SPAG16: variants seen among roughly 807,000 people sequenced by gnomAD.
SPAG16 encodes the protein sperm-associated antigen 16 protein.
In SPAG16, 86 loss-of-function variants were observed where a neutral mutation model predicts 80.4. That is an observed-to-expected ratio of 1.07 (90% CI 0.90 to 1.28). The LOEUF (loss-of-function observed/expected upper bound fraction) is 1.28, where lower values mean the gene tolerates loss of function less well. SPAG16 is among the 50% of genes most tolerant of loss of function. The pLI is 0.00. For synonymous variants in SPAG16, 294 were observed against 265.9 expected (o/e 1.11, Z -1.03); for missense variants, 870 against 765.3 (o/e 1.14, Z -1.61).
Position 213,388,418 on chromosome 2 carries a change from A to G in SPAG16, c.942+13299A>G, listed in dbSNP as rs535450671. 7.2e-5 allele frequency among the ~76,000 whole-genome samples: 11 copies of G among 152,352 alleles called. No individual in the cohort carries two copies. The East Asian group carries it at 2.1e-3, about 29-fold the overall frequency. ...CATTCCCCACTTTGGGGAGCCAAAC[A>G]TTAAAGTCTATGACATTCAGAAGCA... is the stretch of plus-strand genomic sequence containing the variant. On this transcript the variant is annotated intron_variant, in intron 9 of 15. Transcript: ENST00000331683.
In SPAG16 at chr2:213,722,393, A is replaced by G. The variant is rs372140878; in HGVS notation, c.1071-140092A>G. ...CCTTGAAATGTGTTCTCTCATTTGT[A>G]GAATGGGAGATTTAGAAAAGAGGTT... is the stretch of plus-strand genomic sequence containing the variant. On this transcript the variant is annotated intron_variant, in intron 10 of 15. Coordinates refer to ENST00000331683, the MANE Select transcript of SPAG16 (RefSeq NM_024532.5). 5.3e-5 allele frequency among the ~76,000 whole-genome samples: 8 copies of G among 152,230 alleles called. No homozygotes were observed. The East Asian group carries it at 1.3e-3, about 26-fold the overall frequency.
intron 10 of SPAG16, among the ~76,000 whole-genome samples, chr2:213,738,334 A>T (rs2067388503): frequency 1.3e-5 from 2 of 152,178 alleles, no homozygotes; most frequent in African/African-American, 4.8e-5. Flanking sequence ...ATAAAATTTA[A>T]TTTATAAATT....
At chr2:213,315,415 A>G (rs113208255) in intron 4 of SPAG16, among the ~76,000 whole-genome samples, 5 of 151,908 alleles carry the variant, frequency 3.3e-5, no homozygotes, top group African/African-American at 1.2e-4. Context: ...AGACTTAAGG[A>G]TACTGCTTTT....
chr2:214,349,463 A>G (rs1269757654), intron 15 of SPAG16, among the ~76,000 whole-genome samples: 1 of 152,212 alleles, frequency 6.6e-6, no homozygotes, highest in Non-Finnish European at 1.5e-5. Flanking sequence ...TGAATATATT[A>G]TAGTCTGTTT....
At chr2:214,015,428 A>G (rs149879188) in intron 13 of SPAG16, among the ~76,000 whole-genome samples, 2,114 of 152,060 alleles carry the variant, frequency 0.014, 52 homozygotes, top group African/African-American at 0.049. Flanking sequence ...GTGAAACCCC[A>G]TCTCTACTGA....
At chr2:214,246,305 G>C (rs750154580) in intron 15 of SPAG16, among the ~76,000 whole-genome samples, 1 of 152,124 alleles carries the variant, frequency 6.6e-6, no homozygotes, top group African/African-American at 2.4e-5. Flanking sequence ...GTTGGCAGTA[G>C]CAATATTTCT....
chr2:213,375,583 A>T (rs2066846115), intron 9 of SPAG16, among the ~76,000 whole-genome samples: 1 of 152,094 alleles, frequency 6.6e-6, no homozygotes, highest in Non-Finnish European at 1.5e-5. Context: ...GGTAGTTTAA[A>T]TCTTTGCCAG....
At chr2:213,711,501 T>TA (rs397755745) in intron 10 of SPAG16, among the ~76,000 whole-genome samples, 1 of 151,308 alleles carries the variant, frequency 6.6e-6, no homozygotes, top group East Asian at 1.9e-4. Flanking sequence ...TAATAATTTT[T>TA]ATTTATTTTT....
intron 12 of SPAG16, among the ~76,000 whole-genome samples, chr2:213,992,367 A>C (rs2046327211): frequency 6.6e-6 from 1 of 152,192 alleles, no homozygotes; most frequent in African/African-American, 2.4e-5. Flanking sequence ...GAATGATTCC[A>C]TATGTAGGTA....
At chr2:214,343,666 G>A (rs1697864510) in intron 15 of SPAG16, among the ~76,000 whole-genome samples, 1 of 152,018 alleles carries the variant, frequency 6.6e-6, no homozygotes, top group African/African-American at 2.4e-5. Context: ...ACACAATGGG[G>A]AAATAGATTT....
At chr2:214,317,975 G>A (rs1695807930) in intron 15 of SPAG16, among the ~76,000 whole-genome samples, 4 of 152,068 alleles carry the variant, frequency 2.6e-5, no homozygotes, top group Admixed American at 2.6e-4. Context: ...AATTCTGTTG[G>A]CAAAAAAGAA....
At chr2:213,991,365 G>C (rs1206164380) in intron 12 of SPAG16, among the ~76,000 whole-genome samples, 1 of 152,126 alleles carries the variant, frequency 6.6e-6, no homozygotes, top group Non-Finnish European at 1.5e-5. Flanking sequence ...GTACTCCATG[G>C]TGTATATGTG....
chr2:214,013,320 T>C, intron 12 of SPAG16, among the ~76,000 whole-genome samples: 1 of 152,126 alleles, frequency 6.6e-6, no homozygotes, highest in East Asian at 1.9e-4. Flanking sequence ...CTTCATGCAT[T>C]TACCACTTCT....
At chr2:214,386,508 A>T (rs974432840) in intron 15 of SPAG16, among the ~76,000 whole-genome samples, 10 of 152,172 alleles carry the variant, frequency 6.6e-5, no homozygotes, top group Admixed American at 6.5e-4. Context: ...AAGTTTATCA[A>T]ATAGATAAAT....
At chr2:213,745,110 T>C (rs900921527) in intron 10 of SPAG16, among the ~76,000 whole-genome samples, 4 of 152,232 alleles carry the variant, frequency 2.6e-5, no homozygotes, top group Admixed American at 6.5e-5. Context: ...GCTTTTTCTT[T>C]TTTTCTAAAA....
At chr2:213,898,952 A>T (rs1289404988) in intron 11 of SPAG16, among the ~76,000 whole-genome samples, 1 of 152,166 alleles carries the variant, frequency 6.6e-6, no homozygotes, top group Non-Finnish European at 1.5e-5. Flanking sequence ...GTAATTAGTC[A>T]AAGGATAAGA....
At chr2:214,102,371 T>C (rs1292821939) in intron 13 of SPAG16, among the ~76,000 whole-genome samples, 1 of 147,262 alleles carries the variant, frequency 6.8e-6, no homozygotes, top group East Asian at 1.9e-4. Context: ...ATTTGTCAAG[T>C]ATTGGCATCT....
intron 15 of SPAG16, among the ~76,000 whole-genome samples, chr2:214,185,562 G>A (rs2057441035): frequency 6.6e-6 from 1 of 151,956 alleles, no homozygotes. Context: ...ATTACAAAGA[G>A]GTATTTTTTT....
intron 1 of SPAG16, among the ~76,000 whole-genome samples, chr2:213,286,469 GTTAA>G (rs2062060596): frequency 1.3e-5 from 2 of 152,188 alleles, no homozygotes; most frequent in Non-Finnish European, 2.9e-5. Flanking sequence ...TCTTCACATG[GTTAA>G]TTAAGAGTTG....
Sources: allele counts gnomAD v4.1 joint callset (sites outside exome capture counted in the v4.1 genomes callset), GRCh38; gene constraint gnomAD v4.1.1; transcripts MANE v1.5; gene names NCBI Gene and HGNC (gene_info 2026-07-23, HGNC 2026-07-21).